Variants in RNF14 observed in about 807,000 individuals in gnomAD.
RNF14 encodes the protein E3 ubiquitin-protein ligase RNF14.
In RNF14, 26 loss-of-function variants were observed where a neutral mutation model predicts 52.6. That is an observed-to-expected ratio of 0.49 (90% CI 0.36 to 0.69). RNF14 has a LOEUF of 0.69. Among genes scored for constraint, RNF14 ranks in the 30% least tolerant of loss-of-function variants. The probability of loss-of-function intolerance (pLI) is 0.00; values close to 1 mark genes in which losing one functional copy is unlikely to be tolerated. For synonymous variants in RNF14, 194 were observed against 202.0 expected (o/e 0.96, Z 0.34); for missense variants, 404 against 560.4 (o/e 0.72, Z 2.82).
chr5:141,949,563 T>C, the RNF14 span: 1 of 1,614,054 alleles, frequency 6.2e-7, no homozygotes, highest in South Asian at 1.1e-5. Context: ...ACTTGGGCCA[T>C]CTGTGTCTGG....
chr5:141,958,177 G>C (rs942292001), upstream of RNF14: 3 of 282,374 alleles, frequency 1.1e-5, no homozygotes, highest in Non-Finnish European at 2.0e-5. Flanking sequence ...CAGGATGTGG[G>C]ACTCTGACTG....
intron 4 of RNF14, 59 bp from the exon 5 acceptor site, chr5:141,978,244 G>A: frequency 6.9e-7 from 1 of 1,442,468 alleles, no homozygotes; most frequent in Non-Finnish European, 9.4e-7. Flanking sequence ...GGGAAACCAG[G>A]AGTTGGCAGC....
chr5:141,974,409 ACATGCTGGTCTAAGTAGGT>A (rs1210113435), intron 3 of RNF14, among the ~76,000 whole-genome samples: 15 of 152,272 alleles, frequency 9.9e-5, no homozygotes, highest in African/African-American at 3.4e-4. Context: ...TCTAAGTGGG[ACATGCTGGTCTAAGTAGGT>A]CATGCTGTTC....
At position 141,988,587 on chromosome 5, in the gene RNF14, C is replaced by G. The variant is rs1596722266; in HGVS notation, c.*797C>G. 1 of 152,390 alleles carries G rather than the reference C, an allele frequency of 6.6e-6. No individual in the cohort carries two copies. Among genetic ancestry groups the G allele is most frequent in the Non-Finnish European group, 1.5e-5 (1 of 68,018 alleles). The allele number at this position is 152,390 out of a possible 1,614,324, so 9.4% of individuals were successfully genotyped here. A position where few individuals can be genotyped will look rare whatever the true frequency, so the allele number is the denominator to read the frequency against. On this transcript the variant is annotated 3_prime_UTR_variant, in exon 9 of 9. Transcript: ENST00000394520. The stretch of plus-strand genomic sequence containing the variant: ...GTCTTTGCTACTTTTGTTCCACATT[C>G]TCTCTCTTTACCTTTGCCCTACCTT...
chr5:141,968,879 G>A (rs1304924949), upstream of RNF14: 1 of 152,238 alleles, frequency 6.6e-6, no homozygotes, highest in Admixed American at 6.5e-5. Context: ...CCCCTCTAGA[G>A]ATTGGTAAAA....
rs781249182 is a variant in RNF14, at chr5:141,980,121, AG to A, written c.835del. The A allele has an allele frequency of 6.2e-7, 1 of 1,612,944 alleles. No homozygotes were observed. The highest frequency in any genetic ancestry group is 8.5e-7 in the Non-Finnish European group (1 of 1,178,922). ...CCTATGGTGTTTTGTATTTCCCTCCAGGTCAAAGAGTTAGTGGAAGCAGAGT... is the reference window on the plus strand; with the variant it reads ...CCTATGGTGTTTTGTATTTCCCTCCAGTCAAAGAGTTAGTGGAAGCAGAGT... On this transcript the variant is annotated splice_acceptor_variant, in intron 5 of 8. Transcript: ENST00000394520. LOFTEE classifies it high-confidence loss of function.
At chr5:141,978,891 C>A (rs1453250963) in intron 5 of RNF14, 61 bp downstream of exon 5, 1 of 1,556,860 alleles carries the variant, frequency 6.4e-7, no homozygotes, top group African/African-American at 1.4e-5. Flanking sequence ...GAGATATCAT[C>A]TCAGGAACTT....
At chr5:141,971,706 A>G (rs537190455) in intron 2 of RNF14, among the ~76,000 whole-genome samples, 7 of 142,200 alleles carry the variant, frequency 4.9e-5, no homozygotes, top group African/African-American at 1.9e-4. Flanking sequence ...CAGTGGTGCA[A>G]TCTCAGCTCA....
At chr5:141,971,294 T>A (rs1269497422) in intron 2 of RNF14, among the ~76,000 whole-genome samples, 5 of 152,210 alleles carry the variant, frequency 3.3e-5, no homozygotes, top group African/African-American at 1.2e-4. Flanking sequence ...CAGGCTGGAG[T>A]GCAGTGGTGC....
intron 2 of RNF14, among the ~76,000 whole-genome samples, chr5:141,971,338 C>T (rs1483522292): frequency 1.3e-5 from 2 of 151,554 alleles, no homozygotes; most frequent in Non-Finnish European, 2.9e-5. Flanking sequence ...GCATCCAAGG[C>T]TCAAGCGATC....
At chr5:141,974,631 AT>A (rs924848690) in intron 3 of RNF14, among the ~76,000 whole-genome samples, 172 bp from the exon 4 acceptor site, 2 of 151,888 alleles carry the variant, frequency 1.3e-5, no homozygotes, top group South Asian at 2.1e-4. Flanking sequence ...GGCTTACAAG[AT>A]TTTTTTTTAA....
chr5:141,961,885 C>T (rs1026767044), upstream of RNF14, among the ~76,000 whole-genome samples: 17 of 152,166 alleles, frequency 1.1e-4, no homozygotes, highest in Non-Finnish European at 2.4e-4. Flanking sequence ...CTCGCCCCTA[C>T]GAATGTCCCG....
upstream of RNF14, chr5:141,957,303 A>G: frequency 6.2e-7 from 1 of 1,613,466 alleles, no homozygotes; most frequent in East Asian, 2.2e-5. This position sits in a 1 kb window ranked among gnomAD's most constrained non-coding sequence, Gnocchi z 4.3. Flanking sequence ...CCACAATGAC[A>G]TCCAAGGCAA....
the RNF14 span, chr5:141,949,665 A>G: frequency 6.6e-7 from 1 of 1,516,170 alleles, no homozygotes; most frequent in Non-Finnish European, 8.9e-7. Context: ...GTTTGCATTC[A>G]TTTACCCATA....
the RNF14 span, chr5:141,953,212 GC>G: frequency 6.6e-6 from 1 of 152,188 alleles, no homozygotes; most frequent in Non-Finnish European, 1.5e-5. Flanking sequence ...ATATGTCCCT[GC>G]CCCAGTTCCC....
rs772624507 is a variant in RNF14, at chr5:141,974,807, A to C, written c.158A>C (p.Asn53Thr). 34 of 1,613,750 alleles carry C rather than the reference A, an allele frequency of 2.1e-5. No homozygotes were observed. The South Asian group carries it at 3.5e-4, about 17-fold the overall frequency. Reference protein sequence around the residue: ...PQNFKIFVSGNSNECLQNSGF... With the variant: ...PQNFKIFVSGTSNECLQNSGF... ...CTAATCTTTGTTTTTGGTTCAGGCAATTCAAATGAGTGTCTCCAGAATAGT... is the reference window on the plus strand; with the variant it reads ...CTAATCTTTGTTTTTGGTTCAGGCACTTCAAATGAGTGTCTCCAGAATAGT... The change falls in exon 4 of 9, where the codon AAT (asparagine) becomes ACT (threonine). Residue 53 changes from asparagine to threonine, a missense_variant. Physicochemically the swap from Asn to Thr is moderately conservative, Grantham distance 65 (BLOSUM62 0). Transcript: ENST00000394520.
intron 6 of RNF14, among the ~76,000 whole-genome samples, chr5:141,981,089 G>A (rs1754732515): frequency 1.3e-5 from 2 of 152,174 alleles, no homozygotes; most frequent in South Asian, 4.1e-4. Flanking sequence ...CAGACTAACA[G>A]GGATAATGAT....
chr5:141,979,228 TGG>T (rs1561552634), intron 5 of RNF14, among the ~76,000 whole-genome samples: 10,938 of 71,436 alleles, frequency 0.15, 427 homozygotes, highest in South Asian at 0.18. Context: ...ACTTAGGTGG[TGG>T]TGGTGTTGTT....
upstream of RNF14, among the ~76,000 whole-genome samples, chr5:141,964,232 G>A (rs760923424): frequency 4.6e-5 from 7 of 152,130 alleles, no homozygotes; most frequent in Non-Finnish European, 5.9e-5. Flanking sequence ...AGCTGGTCAC[G>A]CAGGTAATCT....
Sources: gnomAD v4.1 joint callset for allele counts (sites outside exome capture counted in the v4.1 genomes callset) on GRCh38, gnomAD v4.1.1 for gene constraint, Gnocchi (gnomAD v3.1) non-coding constraint, MANE v1.5 for transcripts, NCBI Gene and HGNC (gene_info 2026-07-23, HGNC 2026-07-21) for gene names.